The following LUZP2 variants were observed in gnomAD, a reference collection of about 807,000 sequenced individuals.
LUZP2 encodes the protein leucine zipper protein 2.
LUZP2 carries 52 observed loss-of-function variants against 51.6 expected under a neutral mutation model. That is an observed-to-expected ratio of 1.01 (90% CI 0.81 to 1.27). The LOEUF (loss-of-function observed/expected upper bound fraction) is 1.27, where lower values mean the gene tolerates loss of function less well. LUZP2 is among the 50% of genes most tolerant of loss of function. LUZP2 has a pLI of 0.00. For missense variants in LUZP2, 436 were observed against 395.4 expected (o/e 1.10, Z -0.87); for synonymous variants, 154 against 137.3 (o/e 1.12, Z -0.85).
At chr11:24,931,021 G>T (rs1854429064) in intron 7 of LUZP2, among the ~76,000 whole-genome samples, 1 of 151,868 alleles carries the variant, frequency 6.6e-6, no homozygotes, top group Admixed American at 6.6e-5. Context: ...AGACCATCCT[G>T]GCCAACATGG....
intron 1 of LUZP2, among the ~76,000 whole-genome samples, chr11:24,607,209 T>C (rs1435981118): frequency 2.0e-5 from 3 of 151,772 alleles, no homozygotes; most frequent in Non-Finnish European, 4.4e-5. Context: ...AAAAAAAAAT[T>C]GTCAAAAACA....
chr11:24,566,143 C>T (rs1267180231), intron 1 of LUZP2, among the ~76,000 whole-genome samples: 2 of 151,096 alleles, frequency 1.3e-5, no homozygotes, highest in African/African-American at 4.9e-5. Flanking sequence ...TTCAAGGGGC[C>T]TAAATATTGT....
At chr11:24,792,499 A>G (rs1324313171) in intron 5 of LUZP2, among the ~76,000 whole-genome samples, 4 of 151,890 alleles carry the variant, frequency 2.6e-5, no homozygotes, top group Admixed American at 6.6e-5. Flanking sequence ...CACGTACTCT[A>G]TGTGGAGTGC....
chr11:24,518,867 A>G (rs1160411674), intron 1 of LUZP2, among the ~76,000 whole-genome samples: 6 of 152,212 alleles, frequency 3.9e-5, no homozygotes, highest in African/African-American at 1.2e-4. Context: ...CAAGTTCCCA[A>G]TCAAGTCTAT....
intron 9 of LUZP2, among the ~76,000 whole-genome samples, chr11:25,044,983 C>T (rs1292637448): frequency 6.9e-5 from 10 of 144,330 alleles, no homozygotes; most frequent in Non-Finnish European, 5.9e-5. Flanking sequence ...ACCACATGTT[C>T]TCACTCATAG....
At chr11:24,926,092 G>C (rs1015600877) in intron 7 of LUZP2, among the ~76,000 whole-genome samples, 1 of 151,482 alleles carries the variant, frequency 6.6e-6, no homozygotes, top group African/African-American at 2.4e-5. Context: ...TGGCTGATGA[G>C]TATCCCATGG....
chr11:24,825,277 C>A (rs1344418953), intron 5 of LUZP2, among the ~76,000 whole-genome samples: 2 of 152,096 alleles, frequency 1.3e-5, no homozygotes, highest in South Asian at 2.1e-4. Flanking sequence ...TTAAATGAAA[C>A]AATTTAGTAA....
At chr11:24,519,399 AG>A (rs1476008133) in intron 1 of LUZP2, among the ~76,000 whole-genome samples, 2 of 152,204 alleles carry the variant, frequency 1.3e-5, no homozygotes, top group Non-Finnish European at 2.9e-5. Context: ...AGAAAGATAA[AG>A]TTTTGAATGT....
chr11:24,757,359 G>A (rs1859814161), intron 4 of LUZP2, among the ~76,000 whole-genome samples: 1 of 151,944 alleles, frequency 6.6e-6, no homozygotes, highest in African/African-American at 2.4e-5. Context: ...TTTATAAGAG[G>A]TCAAATAATT....
chr11:24,651,561 G>A (rs998998138), intron 1 of LUZP2, among the ~76,000 whole-genome samples: 1 of 152,018 alleles, frequency 6.6e-6, no homozygotes, highest in Non-Finnish European at 1.5e-5. Flanking sequence ...GGGAAAATAA[G>A]GTTTGAAGAA....
At chr11:24,980,793 T>C (rs1248682617) in intron 8 of LUZP2, among the ~76,000 whole-genome samples, 2 of 151,616 alleles carry the variant, frequency 1.3e-5, no homozygotes, top group South Asian at 2.1e-4. Context: ...AGTTTCTATA[T>C]GGGTATTTGG....
intron 1 of LUZP2, among the ~76,000 whole-genome samples, chr11:24,668,514 C>A (rs915362385): frequency 6.6e-6 from 1 of 152,146 alleles, no homozygotes; most frequent in Non-Finnish European, 1.5e-5. Context: ...TACCATTTTA[C>A]TCCACTATCA....
intron 10 of LUZP2, among the ~76,000 whole-genome samples, chr11:25,077,124 T>C (rs1320583059): frequency 6.6e-6 from 1 of 152,174 alleles, no homozygotes; most frequent in Non-Finnish European, 1.5e-5. Context: ...ACCACTGTGA[T>C]CCCCAAACCA....
At chr11:25,024,152 G>C (rs940006647) in intron 9 of LUZP2, among the ~76,000 whole-genome samples, 7 of 152,064 alleles carry the variant, frequency 4.6e-5, no homozygotes, top group Non-Finnish European at 8.8e-5. Context: ...TATTAGGTCT[G>C]CTTGGTGCAG....
At chr11:24,571,997 A>C (rs2133801968) in intron 1 of LUZP2, among the ~76,000 whole-genome samples, 1 of 152,130 alleles carries the variant, frequency 6.6e-6, no homozygotes, top group South Asian at 2.1e-4. Flanking sequence ...ATAAGCAAGA[A>C]AAATTATGTA....
chr11:24,630,769 A>C (rs766575915), intron 1 of LUZP2, among the ~76,000 whole-genome samples: 43 of 151,490 alleles, frequency 2.8e-4, no homozygotes, highest in Non-Finnish European at 5.7e-4. Context: ...TTTGCACCGA[A>C]TCTGTAGATT....
intron 5 of LUZP2, among the ~76,000 whole-genome samples, chr11:24,811,589 T>G (rs1307150852): frequency 1.3e-5 from 2 of 152,010 alleles, no homozygotes; most frequent in Non-Finnish European, 2.9e-5. Flanking sequence ...TATAGATTAT[T>G]TTGTCGCTGA....
chr11:24,616,222 A>AT (rs923108173), intron 1 of LUZP2, among the ~76,000 whole-genome samples: 9 of 151,532 alleles, frequency 5.9e-5, no homozygotes, highest in Admixed American at 6.6e-5. Context: ...AGAACTTACC[A>AT]TTTTTTTTCT....
rs1251960811 is a variant in LUZP2, at chr11:24,780,389, G to A, written c.396+17081G>A. ...AGCAGAGAGGAAATAAAATCAATTC[G>A]ATCTTCCACGCCTTGTTTTCCACCT... On this transcript the variant is annotated intron_variant, in intron 5 of 11. Transcript: ENST00000336930. 2.6e-5 allele frequency among the ~76,000 whole-genome samples: 4 copies of A among 151,972 alleles called. No homozygotes were observed. The East Asian group carries it at 5.8e-4, about 22-fold the overall frequency.
Sources: allele counts gnomAD v4.1 joint callset (sites outside exome capture counted in the v4.1 genomes callset), GRCh38; gene constraint gnomAD v4.1.1; transcripts MANE v1.5; gene names NCBI Gene and HGNC (gene_info 2026-07-23, HGNC 2026-07-21).